ADAMTSL3: variants seen among roughly 807,000 people sequenced by gnomAD.
The protein encoded by ADAMTSL3 is ADAMTS like 3, also known as ADAMTS-like protein 3.
A neutral mutation model predicts 201.7 loss-of-function variants in ADAMTSL3; 128 were observed. That is an observed-to-expected ratio of 0.63 (90% CI 0.55 to 0.73). The LOEUF (loss-of-function observed/expected upper bound fraction) is 0.73, where lower values mean the gene tolerates loss of function less well. ADAMTSL3 is among the 30% of genes least tolerant of loss of function. The pLI is 0.00. For missense variants in ADAMTSL3, 1,990 were observed against 2,119.6 expected (o/e 0.94, Z 1.20); for synonymous variants, 738 against 748.4 (o/e 0.99, Z 0.23).
At chr15:83,897,163 AT>A (rs1330027717) in intron 13 of ADAMTSL3, among the ~76,000 whole-genome samples, 1 of 152,242 alleles carries the variant, frequency 6.6e-6, no homozygotes, top group African/African-American at 2.4e-5. Flanking sequence ...TTTATATGAC[AT>A]GAAAACATTC....
At chr15:83,823,057 TGGC>T (rs1265084234) in intron 6 of ADAMTSL3, among the ~76,000 whole-genome samples, 19 of 151,602 alleles carry the variant, frequency 1.3e-4, no homozygotes, top group Non-Finnish European at 2.5e-4. Context: ...CAGTCAGGCG[TGGC>T]GGCGCGCGCC....
chr15:83,992,777 T>A (rs1324422824), intron 23 of ADAMTSL3, among the ~76,000 whole-genome samples: 2 of 152,246 alleles, frequency 1.3e-5, no homozygotes, highest in Non-Finnish European at 2.9e-5. Context: ...TAAACTCATC[T>A]AGTTTTATTC....
intron 2 of ADAMTSL3, among the ~76,000 whole-genome samples, chr15:83,670,088 T>C (rs1349381187): frequency 1.3e-5 from 2 of 151,230 alleles, no homozygotes; most frequent in African/African-American, 4.9e-5. Context: ...TGAAATCTCA[T>C]CTCTACTAAA....
intron 23 of ADAMTSL3, among the ~76,000 whole-genome samples, chr15:83,993,542 A>G (rs1311772231): frequency 2.0e-5 from 3 of 152,222 alleles, no homozygotes; most frequent in Non-Finnish European, 4.4e-5. Context: ...CCCATAACAC[A>G]TATTCATAGC....
Position 83,704,388 on chromosome 15 carries a change from G to C in ADAMTSL3, c.70-1G>C, listed in dbSNP as rs769034635. On this transcript the variant is annotated splice_acceptor_variant, in intron 2 of 29. Transcript: ENST00000286744. LOFTEE classifies it high-confidence loss of function. ...TGTGACCAAATGATCTTGTTTTTCA[G>C]ACCACAGCTGAGAAATCTCCTGGAG... is the stretch of plus-strand genomic sequence containing the variant. 1.2e-6 allele frequency: 2 copies of C among 1,614,074 alleles called. No individual in the cohort carries two copies. The highest frequency in any genetic ancestry group is 8.5e-7 in the Non-Finnish European group (1 of 1,180,004).
Position 83,970,654 on chromosome 15 carries a change from C to G in ADAMTSL3, c.2644+17C>G, listed in dbSNP as rs756471846. On this transcript the variant is annotated intron_variant, in intron 20 of 29. Coordinates refer to ENST00000286744, the MANE Select transcript of ADAMTSL3 (RefSeq NM_207517.3). ...AGTGCAGTAGTAAGTATGCGGTGTCCGCGCTTCACCAAGATATGCTGATTC... is the reference window on the plus strand; with the variant it reads ...AGTGCAGTAGTAAGTATGCGGTGTCGGCGCTTCACCAAGATATGCTGATTC... 1 of 1,612,544 alleles carries G rather than the reference C, an allele frequency of 6.2e-7. No homozygotes were observed. The highest frequency in any genetic ancestry group is 1.1e-5 in the South Asian group (1 of 90,846).
chr15:84,021,259 A>T, intron 25 of ADAMTSL3, 151 bp from the exon 26 acceptor site: 1 of 744,704 alleles, frequency 1.3e-6, no homozygotes, highest in Non-Finnish European at 2.2e-6. Context: ...AATAAGATTT[A>T]GAGGACTCCC....
intron 7 of ADAMTSL3, among the ~76,000 whole-genome samples, chr15:83,856,549 A>G (rs1050317236): frequency 1.4e-4 from 22 of 152,116 alleles, no homozygotes; most frequent in African/African-American, 5.1e-4. Flanking sequence ...TGTGAGAACC[A>G]TGATTTCCAG....
At chr15:83,987,561 A>T (rs1046881072) in intron 21 of ADAMTSL3, among the ~76,000 whole-genome samples, 1 of 152,200 alleles carries the variant, frequency 6.6e-6, no homozygotes, top group Non-Finnish European at 1.5e-5. Flanking sequence ...TAACTCTAGG[A>T]GTATTGGGGA....
chr15:83,808,279 A>T (rs2063634924), intron 5 of ADAMTSL3, among the ~76,000 whole-genome samples: 1 of 152,224 alleles, frequency 6.6e-6, no homozygotes, highest in Non-Finnish European at 1.5e-5. Flanking sequence ...ACAACTCAAT[A>T]GCAAAGAAAC....
intron 3 of ADAMTSL3, among the ~76,000 whole-genome samples, chr15:83,756,456 G>A (rs777558831): frequency 2.6e-5 from 4 of 152,118 alleles, no homozygotes; most frequent in African/African-American, 9.7e-5. Flanking sequence ...AGACTTATTC[G>A]CTATAATGAG....
intron 8 of ADAMTSL3, among the ~76,000 whole-genome samples, chr15:83,860,991 C>A (rs2064844062): frequency 6.6e-6 from 1 of 152,242 alleles, no homozygotes; most frequent in Non-Finnish European, 1.5e-5. Context: ...TTCCAATGGT[C>A]TTAGCAAATG....
At chr15:83,913,884 A>T (rs765135542) in intron 16 of ADAMTSL3, among the ~76,000 whole-genome samples, 4 of 152,178 alleles carry the variant, frequency 2.6e-5, no homozygotes, top group Non-Finnish European at 2.9e-5. Flanking sequence ...CCCTGTTAGG[A>T]TTAGAAAGTG....
rs187213124 is a variant in ADAMTSL3, at chr15:83,980,960, G to A, written c.2645-1313G>A. Reference sequence around the variant, plus strand: ...GTCTCAATCTGCTTCTTCTCCCAGCGTGTGCTACAACAAGGAGGACCTGTA... The same window carrying A: ...GTCTCAATCTGCTTCTTCTCCCAGCATGTGCTACAACAAGGAGGACCTGTA... On this transcript the variant is annotated intron_variant, in intron 20 of 29. Transcript: ENST00000286744. Among the ~76,000 whole-genome samples, 893 of 152,310 alleles carry A rather than the reference G, an allele frequency of 5.9e-3. 2 individuals carry two copies. The highest frequency in any genetic ancestry group is 0.02 in the Middle Eastern group (6 of 294).
intron 3 of ADAMTSL3, among the ~76,000 whole-genome samples, chr15:83,736,511 G>A (rs912936136): frequency 1.4e-4 from 22 of 152,256 alleles, no homozygotes; most frequent in African/African-American, 4.8e-4. Flanking sequence ...TAAAAAGTGG[G>A]CAGTTTATAT....
chr15:83,746,142 T>C (rs1306538463), intron 3 of ADAMTSL3, among the ~76,000 whole-genome samples: 1 of 72,586 alleles, frequency 1.4e-5, no homozygotes, highest in South Asian at 7.0e-4. Flanking sequence ...AGCACCACAT[T>C]GAATTCCAAG....
chr15:83,919,591 A>AT (rs1259481187), intron 16 of ADAMTSL3, among the ~76,000 whole-genome samples: 2 of 151,932 alleles, frequency 1.3e-5, no homozygotes, highest in East Asian at 1.9e-4. Context: ...AATAGAGGGG[A>AT]TTTTTTTTGC....
intron 8 of ADAMTSL3, 88 bp downstream of exon 8, chr15:83,858,928 A>G (rs2064798579): frequency 8.8e-7 from 1 of 1,134,052 alleles, no homozygotes; most frequent in African/African-American, 1.6e-5. Flanking sequence ...CACAAACCAA[A>G]CCAACAAGCA....
chr15:84,006,575 T>C (rs916910246), intron 23 of ADAMTSL3, among the ~76,000 whole-genome samples: 3 of 152,188 alleles, frequency 2.0e-5, no homozygotes, highest in African/African-American at 7.2e-5. Context: ...TGAACTTTTT[T>C]CCACAACATT....
Sources: gnomAD v4.1 joint callset for allele counts (sites outside exome capture counted in the v4.1 genomes callset) on GRCh38, gnomAD v4.1.1 for gene constraint, MANE v1.5 for transcripts, NCBI Gene and HGNC (gene_info 2026-07-23, HGNC 2026-07-21) for gene names.